ANKIB1: variants seen among roughly 807,000 people sequenced by gnomAD.
ANKIB1 encodes ankyrin repeat and IBR domain containing 1, also known as ankyrin repeat and IBR domain-containing protein 1.
A neutral mutation model predicts 122.1 loss-of-function variants in ANKIB1; 43 were observed. That is an observed-to-expected ratio of 0.35 (90% confidence interval 0.28 to 0.45). ANKIB1 has a LOEUF of 0.45. ANKIB1 is among the 20% of genes least tolerant of loss of function. The pLI, the probability that ANKIB1 is intolerant of heterozygous loss-of-function variation, is 1.00. For synonymous variants in ANKIB1, 390 were observed against 442.0 expected (o/e 0.88, Z 1.48); for missense variants, 992 against 1,329.5 (o/e 0.75, Z 3.95).
chr7:92,355,848 CATAATAATAATAATAATA>C (rs5885805), intron 9 of ANKIB1, among the ~76,000 whole-genome samples: 11 of 143,372 alleles, frequency 7.7e-5, no homozygotes, highest in African/African-American at 2.3e-4. Flanking sequence ...GACTCCGTCT[CATAATAATAATAATAATA>C]ATAATAATAA....
intron 6 of ANKIB1, among the ~76,000 whole-genome samples, chr7:92,344,207 T>G (rs1185300337): frequency 3.6e-5 from 5 of 139,938 alleles, no homozygotes; most frequent in African/African-American, 1.3e-4. Context: ...TTTTTTTTTT[T>G]TTTTTTTTTT....
intron 9 of ANKIB1, among the ~76,000 whole-genome samples, chr7:92,358,407 A>G (rs527793773): frequency 6.6e-6 from 1 of 152,310 alleles, no homozygotes; most frequent in African/African-American, 2.4e-5. Context: ...TTGGGCTCAC[A>G]ACCAAGGAAG....
At chr7:92,292,677 A>G (rs555914618) in intron 1 of ANKIB1, among the ~76,000 whole-genome samples, 5 of 152,344 alleles carry the variant, frequency 3.3e-5, no homozygotes, top group Admixed American at 2.0e-4. Context: ...TGAAACAATA[A>G]AAGTATAATA....
At position 92,343,175 on chromosome 7, in the gene ANKIB1, T is replaced by G; in HGVS notation, c.939T>G (p.Ser313=). ...CAAGAACTCCAAGGACTACACGCTCTTCTGTCACCTCCCCAGATGAAATCA... is the reference window on the plus strand; with the variant it reads ...CAAGAACTCCAAGGACTACACGCTCGTCTGTCACCTCCCCAGATGAAATCA... ...PSPRTPRTTR[S]SVTSPDEISL... The change falls in exon 6 of 20, where the codon TCT becomes TCG. Residue 313 remains serine, a synonymous_variant. Coordinates refer to ENST00000265742, the MANE Select transcript of ANKIB1 (RefSeq NM_019004.2). 1 of 1,614,014 alleles carries G rather than the reference T, an allele frequency of 6.2e-7. No homozygotes were observed. The highest frequency in any genetic ancestry group is 8.5e-7 in the Non-Finnish European group (1 of 1,179,884).
intron 10 of ANKIB1, among the ~76,000 whole-genome samples, chr7:92,367,730 T>C (rs1020429232): frequency 2.0e-5 from 3 of 152,194 alleles, no homozygotes; most frequent in Admixed American, 6.5e-5. Context: ...ATAGCCTCTG[T>C]TGTGTCTAAT....
intron 10 of ANKIB1, among the ~76,000 whole-genome samples, chr7:92,365,836 G>A (rs1181026093): frequency 2.8e-5 from 3 of 107,828 alleles, no homozygotes; most frequent in East Asian, 3.1e-4. Flanking sequence ...TCGCTCTGTC[G>A]CCCGGGCTGG....
chr7:92,249,658 T>G (rs1801280115), intron 1 of ANKIB1, among the ~76,000 whole-genome samples: 1 of 151,784 alleles, frequency 6.6e-6, no homozygotes, highest in African/African-American at 2.4e-5. Flanking sequence ...AGGTGGAGGT[T>G]GCAGTGAGCT....
rs145976295 is a variant in ANKIB1 at position 92,248,697 on chromosome 7, A to G, written c.-91+2178A>G. On this transcript the variant is annotated intron_variant, in intron 1 of 19. Transcript: ENST00000265742. Reference sequence around the variant, plus strand: ...GCCAAAAAGGATTTGGGAGTGGACTAAGTCATTATTAAAGAGACCAGTCTG... The same window carrying G: ...GCCAAAAAGGATTTGGGAGTGGACTGAGTCATTATTAAAGAGACCAGTCTG... Among the ~76,000 whole-genome samples the G allele has an allele frequency of 2.6e-3, 395 of 152,036 alleles. 1 individual carries two copies. Among genetic ancestry groups the G allele is most frequent in the African/African-American group, 9.2e-3 (382 of 41,338 alleles).
intron 18 of ANKIB1, among the ~76,000 whole-genome samples, chr7:92,397,411 A>G (rs897659954): frequency 3.3e-5 from 5 of 151,814 alleles, no homozygotes; most frequent in Admixed American, 3.3e-4. Context: ...GCTTGAACCC[A>G]GGAGGCAGAG....
intron 10 of ANKIB1, among the ~76,000 whole-genome samples, chr7:92,364,570 T>A (rs1216533486): frequency 6.6e-6 from 1 of 152,150 alleles, no homozygotes; most frequent in Non-Finnish European, 1.5e-5. Context: ...ATGAATGGCT[T>A]GCTATTGGCC....
intron 10 of ANKIB1, among the ~76,000 whole-genome samples, chr7:92,370,570 G>C (rs939584883): frequency 3.8e-5 from 5 of 132,658 alleles, no homozygotes; most frequent in Admixed American, 3.1e-4. Flanking sequence ...CATAGAGTTA[G>C]ATAGAGGACA....
chr7:92,327,749 T>C, intron 4 of ANKIB1, 34 bp from the exon 5 acceptor site: 1 of 1,192,472 alleles, frequency 8.4e-7, no homozygotes, highest in Non-Finnish European at 1.2e-6. Context: ...ATGAGTATAA[T>C]GCCCATTTAA....
intron 1 of ANKIB1, among the ~76,000 whole-genome samples, chr7:92,284,500 A>G (rs181233658): frequency 6.6e-6 from 1 of 152,296 alleles, no homozygotes; most frequent in African/African-American, 2.4e-5. Context: ...TGTTTCCTAA[A>G]TCTTTATGGA....
intron 16 of ANKIB1, 137 bp downstream of exon 16, chr7:92,391,481 G>A: frequency 1.3e-6 from 1 of 777,330 alleles, no homozygotes; most frequent in Non-Finnish European, 1.8e-6. Context: ...AAAGTATGTT[G>A]ACTTTTTTTG....
chr7:92,283,526 A>G (rs906239026), intron 1 of ANKIB1, among the ~76,000 whole-genome samples: 28 of 152,160 alleles, frequency 1.8e-4, no homozygotes, highest in African/African-American at 4.6e-4. Flanking sequence ...TGTGTTTTGC[A>G]CATACTTCCA....
At chr7:92,294,791 G>A (rs73414035) in intron 1 of ANKIB1, 98 bp from the exon 2 acceptor site, 6,795 of 489,930 alleles carry the variant, frequency 0.014, 274 homozygotes, top group African/African-American at 0.1. Flanking sequence ...TTCCCTTATC[G>A]ATGATTCCCA....
chr7:92,380,833 C>T (rs1438035094), intron 11 of ANKIB1, among the ~76,000 whole-genome samples: 2 of 152,168 alleles, frequency 1.3e-5, no homozygotes, highest in East Asian at 3.9e-4. Flanking sequence ...ATTCTAAAAA[C>T]CAGAGCGCCC....
intron 2 of ANKIB1, among the ~76,000 whole-genome samples, chr7:92,298,596 C>A (rs1039316787): frequency 5.9e-5 from 9 of 151,918 alleles, no homozygotes; most frequent in Non-Finnish European, 1.2e-4. Context: ...GAAGTCAAAA[C>A]TATTTTTATA....
intron 1 of ANKIB1, among the ~76,000 whole-genome samples, chr7:92,292,635 A>G (rs1184484047): frequency 6.6e-6 from 1 of 152,184 alleles, no homozygotes; most frequent in Non-Finnish European, 1.5e-5. Flanking sequence ...TGTGTATAGT[A>G]TGGGAGAGAA....
Sources: gnomAD v4.1 joint callset for allele counts (sites outside exome capture counted in the v4.1 genomes callset) on GRCh38, gnomAD v4.1.1 for gene constraint, MANE v1.5 for transcripts, NCBI Gene and HGNC (gene_info 2026-07-23, HGNC 2026-07-21) for gene names.